BRSK2: variants seen among roughly 807,000 people sequenced by gnomAD.
BRSK2 encodes the protein serine/threonine-protein kinase BRSK2.
In BRSK2, 19 loss-of-function variants were observed where a neutral mutation model predicts 83.3. That is an observed-to-expected ratio of 0.23 (90% CI 0.16 to 0.33). The LOEUF is 0.33. Among genes scored for constraint, BRSK2 ranks in the 10% least tolerant of loss-of-function variants. BRSK2 has a pLI of 1.00. For missense variants in BRSK2, 798 were observed against 1,042.3 expected, an observed-to-expected ratio of 0.77 and a Z score of 3.23; for synonymous variants, 519 against 435.4, an observed-to-expected ratio of 1.19 and a Z score of -2.39.
chr11:1,445,886 A>G lies in BRSK2; in HGVS notation c.1205A>G (p.Glu402Gly). 1 of 1,610,838 alleles carries G rather than the reference A, an allele frequency of 6.2e-7. No individual in the cohort carries two copies. The highest frequency in any genetic ancestry group is 8.5e-7 in the Non-Finnish European group (1 of 1,178,954). Residue 402 changes from glutamate to glycine, a missense_variant, in exon 12 of 20, where the codon GAG (glutamate) becomes GGG (glycine). Glu to Gly is a moderately conservative substitution (Grantham distance 98). This residue lies in a region of BRSK2 where 51 missense variants were observed against 52.6 expected (regional missense o/e 0.97). Coordinates refer to ENST00000528841, the MANE Select transcript of BRSK2 (RefSeq NM_001256627.2). The part of the protein sequence containing the change: ...GSPVPARRAI[E>G]MAQHGQRSRS... Reference sequence around the variant, plus strand: ...CCGGTGCCTGCGCGGCGGGCCATTGAGATGGCCCAGCACGGCCAGAGGTGT... The same window carrying G: ...CCGGTGCCTGCGCGGCGGGCCATTGGGATGGCCCAGCACGGCCAGAGGTGT...
chr11:1,460,461 CTTTTTTTTTTTT>C (rs398015179), intron 19 of BRSK2, 27 bp from the exon 20 acceptor site: 1 of 499,632 alleles, frequency 2.0e-6, no homozygotes, highest in African/African-American at 4.2e-5. Context: ...TTCTTTTTTC[CTTTTTTTTTTTT>C]TTTTTGTCTC....
intron 1 of BRSK2, among the ~76,000 whole-genome samples, chr11:1,411,858 G>C (rs1023614517): frequency 2.0e-5 from 3 of 152,240 alleles, no homozygotes; most frequent in Non-Finnish European, 4.4e-5. Context: ...GCCCGGCCTG[G>C]CATCCGGGCC....
In BRSK2 at chr11:1,391,167, C is replaced by G. The variant is rs368603390; in HGVS notation, c.91+792C>G. 8.0e-4 allele frequency among the ~76,000 whole-genome samples: 122 copies of G among 152,366 alleles called. No homozygotes were observed. In the South Asian group the frequency reaches 0.022, roughly 27 times the overall value. ...ACCCTCGCATGTGGCCAACTCTCCC[C>G]GGCCCGCTGGGTTTGGCTAGCCCTT... On this transcript the variant is annotated intron_variant, in intron 1 of 19. Transcript: ENST00000528841.
At chr11:1,444,506 G>T (rs553100794) in intron 8 of BRSK2, among the ~76,000 whole-genome samples, 1 of 152,002 alleles carries the variant, frequency 6.6e-6, no homozygotes, top group Admixed American at 6.5e-5. Context: ...GCCCTGCCCC[G>T]CCGCACAGGT....
intron 1 of BRSK2, among the ~76,000 whole-genome samples, chr11:1,405,961 C>A (rs903234256): frequency 6.6e-6 from 1 of 152,172 alleles, no homozygotes; most frequent in African/African-American, 2.4e-5. Flanking sequence ...CCATCCCCAG[C>A]CTTCCCAGAC....
intron 18 of BRSK2, chr11:1,457,118 C>T: frequency 7.2e-7 from 1 of 1,382,756 alleles, no homozygotes; most frequent in South Asian, 1.4e-5. Flanking sequence ...CCAGGCTGGC[C>T]CTGAGCAGGG....
intron 15 of BRSK2, 140 bp downstream of exon 15, chr11:1,451,559 G>GC: frequency 2.3e-6 from 2 of 876,658 alleles, no homozygotes; most frequent in South Asian, 2.9e-5. Context: ...GCCCGTCTCG[G>GC]CCACTGAGTC....
At chr11:1,418,144 CA>C (rs1468103813) in intron 1 of BRSK2, among the ~76,000 whole-genome samples, 15 of 134,592 alleles carry the variant, frequency 1.1e-4, no homozygotes, top group South Asian at 5.1e-4. Flanking sequence ...GAGTGGGTCA[CA>C]CTGTGTCCTG....
intron 8 of BRSK2, among the ~76,000 whole-genome samples, chr11:1,444,184 C>T (rs1469924729): frequency 2.6e-5 from 4 of 152,118 alleles, no homozygotes; most frequent in African/African-American, 4.8e-5. Flanking sequence ...TGCCTCCAGA[C>T]GCTGCTGGGG....
chr11:1,410,707 C>T, intron 1 of BRSK2: 3 of 985,450 alleles, frequency 3.0e-6, no homozygotes, highest in Non-Finnish European at 3.6e-6. Flanking sequence ...GAGCCCCCGC[C>T]TGCCTAGGGT....
intron 1 of BRSK2, among the ~76,000 whole-genome samples, chr11:1,401,796 G>A (rs781535512): frequency 3.4e-4 from 52 of 152,354 alleles, no homozygotes; most frequent in Non-Finnish European, 5.9e-4. Flanking sequence ...AGCACCAGCC[G>A]TGCTGAAGTC....
Position 1,462,150 on chromosome 11 carries a change from C to G in BRSK2, c.*1427C>G, listed in dbSNP as rs1223753905. ...CGGTGGCGCTCCTCTGCAGGGCGTT[C>G]TGTGCAGAGCGAGGCCCAGGGCGCA... is the stretch of plus-strand genomic sequence containing the variant. On this transcript the variant is annotated 3_prime_UTR_variant, in exon 20 of 20. Coordinates refer to ENST00000528841, the MANE Select transcript of BRSK2 (RefSeq NM_001256627.2). The G allele has an allele frequency of 6.6e-6, 1 of 152,206 alleles. No individual in the cohort carries two copies. The highest frequency in any genetic ancestry group is 6.5e-5 in the Admixed American group (1 of 15,282). 9.4% of individuals were successfully genotyped at this position (152,206 alleles called of 1,614,324 possible). A position where few individuals can be genotyped will look rare whatever the true frequency, so the allele number is the denominator to read the frequency against.
At chr11:1,402,495 G>A (rs12802767) in intron 1 of BRSK2, among the ~76,000 whole-genome samples, 40,987 of 152,166 alleles carry the variant, frequency 0.27, 5,658 homozygotes, top group Middle Eastern at 0.43. Context: ...ATTGCAAAGG[G>A]TGGGTGGTGC....
intron 8 of BRSK2, among the ~76,000 whole-genome samples, chr11:1,444,513 A>C (rs1157429043): frequency 6.6e-6 from 1 of 151,998 alleles, no homozygotes; most frequent in Non-Finnish European, 1.5e-5. Context: ...CCCGCCGCAC[A>C]GGTGGGCCGG....
At chr11:1,413,956 A>T (rs1294038050) in intron 1 of BRSK2, among the ~76,000 whole-genome samples, 1 of 152,238 alleles carries the variant, frequency 6.6e-6, no homozygotes, top group African/African-American at 2.4e-5. Flanking sequence ...CACACTGGAC[A>T]CACAGCGCCA....
intron 19 of BRSK2, among the ~76,000 whole-genome samples, 188 bp from the exon 20 acceptor site, chr11:1,460,289 GGCCGCCGCCTGCCCACCCTGCTT>G (rs1293470968): frequency 6.6e-6 from 1 of 152,054 alleles, no homozygotes; most frequent in Non-Finnish European, 1.5e-5. Flanking sequence ...GGCCCCTGCC[GGCCGCCGCCTGCCCACCCTGCTT>G]GCCGCCCACC....
intron 1 of BRSK2, chr11:1,411,515 G>T: frequency 6.6e-7 from 1 of 1,512,430 alleles, no homozygotes. Context: ...CGGTGGGCAG[G>T]GGAGGGGCCG....
At chr11:1,450,503 C>A in intron 13 of BRSK2, 84 bp from the exon 14 acceptor site, 1 of 675,966 alleles carries the variant, frequency 1.5e-6, no homozygotes, top group South Asian at 1.9e-5. Context: ...GGCACCACCC[C>A]TGGGCCCGCC....
At chr11:1,411,109 G>A in intron 1 of BRSK2, 1 of 1,192,458 alleles carries the variant, frequency 8.4e-7, no homozygotes, top group Non-Finnish European at 1.0e-6. Context: ...GCCCAGGTTT[G>A]GAGACCAGCT....
Sources: allele counts gnomAD v4.1 joint callset (sites outside exome capture counted in the v4.1 genomes callset), GRCh38; gene constraint gnomAD v4.1.1; regional missense constraint gnomAD v4.1.1; transcripts MANE v1.5; gene names NCBI Gene and HGNC (gene_info 2026-07-23, HGNC 2026-07-21).